Variants in SLC7A11 observed in about 807,000 individuals in gnomAD.
The protein encoded by SLC7A11 is solute carrier family 7 member 11, also known as cystine/glutamate transporter.
Under a neutral mutation model 54.5 loss-of-function variants are expected in SLC7A11, and 35 were observed. That is an observed-to-expected ratio of 0.64 (90% CI 0.49 to 0.85). The LOEUF (loss-of-function observed/expected upper bound fraction) is 0.85. Ranked by LOEUF, SLC7A11 falls within the 40% of genes least tolerant of loss-of-function variation. The pLI, the probability that SLC7A11 is intolerant of heterozygous loss-of-function variation, is 0.00. For missense variants in SLC7A11, 583 were observed against 618.1 expected, an observed-to-expected ratio of 0.94 and a Z score of 0.60; for synonymous variants, 230 against 225.2, an observed-to-expected ratio of 1.02 and a Z score of -0.19.
chr4:138,212,993 A>G (rs985722238), intron 6 of SLC7A11, among the ~76,000 whole-genome samples: 5 of 151,972 alleles, frequency 3.3e-5, no homozygotes, highest in Non-Finnish European at 4.4e-5. Context: ...AATTCAATAC[A>G]TATTTTATAT....
In SLC7A11 at chr4:138,168,417, A is replaced by G. The variant is rs1321297339; in HGVS notation, c.*3539T>C. 6.6e-6 allele frequency: 1 copy of G among 152,188 alleles called. No homozygotes were observed. The highest frequency in any genetic ancestry group is 1.5e-5 in the Non-Finnish European group (1 of 68,038). The allele number at this position is 152,188 out of a possible 1,614,324, so 9.4% of individuals were successfully genotyped here. ...TCTTTTCATACCTTATACCTCAATT[A>G]CAAAAGATCAACTTTAACAAAGGTC... On this transcript the variant is annotated 3_prime_UTR_variant, in exon 12 of 12. Transcript: ENST00000280612.
At chr4:138,199,189 C>CATAT (rs1737210999) in intron 6 of SLC7A11, among the ~76,000 whole-genome samples, 1 of 152,142 alleles carries the variant, frequency 6.6e-6, no homozygotes, top group South Asian at 2.1e-4. Flanking sequence ...TATGCACACG[C>CATAT]ACGCACAAAC....
chr4:138,232,489 A>C (rs559731720), intron 2 of SLC7A11, 107 bp from the exon 3 acceptor site: 1 of 655,148 alleles, frequency 1.5e-6, no homozygotes, highest in East Asian at 2.7e-5. Context: ...GTTAAATATG[A>C]AAGTCCATAG....
intron 6 of SLC7A11, among the ~76,000 whole-genome samples, chr4:138,209,624 C>T (rs1010758479): frequency 2.6e-5 from 4 of 151,932 alleles, no homozygotes; most frequent in Non-Finnish European, 5.9e-5. Context: ...ATCAAGAATG[C>T]AATCCCATTT....
intron 6 of SLC7A11, among the ~76,000 whole-genome samples, chr4:138,201,328 G>A (rs1737281138): frequency 6.6e-6 from 1 of 151,986 alleles, no homozygotes; most frequent in Admixed American, 6.6e-5. Flanking sequence ...ACGGGTTATT[G>A]TTTAAGCTTT....
At chr4:138,239,719 T>C (rs554957018) in intron 1 of SLC7A11, among the ~76,000 whole-genome samples, 1 of 152,364 alleles carries the variant, frequency 6.6e-6, no homozygotes, top group Admixed American at 6.5e-5. Context: ...GTAATACTTA[T>C]GCATAAGCAT....
At chr4:138,199,176 A>G (rs1737210545) in intron 6 of SLC7A11, among the ~76,000 whole-genome samples, 3 of 152,204 alleles carry the variant, frequency 2.0e-5, no homozygotes, top group South Asian at 2.1e-4. Context: ...AATGCACTAC[A>G]TATATGCACA....
chr4:138,204,588 A>T (rs891830546), intron 6 of SLC7A11, among the ~76,000 whole-genome samples: 1 of 152,030 alleles, frequency 6.6e-6, no homozygotes, highest in Non-Finnish European at 1.5e-5. Context: ...CAGATTTCGT[A>T]AAGGAGTTTC....
intron 6 of SLC7A11, among the ~76,000 whole-genome samples, chr4:138,207,782 C>G (rs1030399747): frequency 3.3e-5 from 5 of 152,082 alleles, no homozygotes; most frequent in Admixed American, 6.6e-5. Context: ...TTCAATTAAC[C>G]TTTATTCTTT....
intron 3 of SLC7A11, among the ~76,000 whole-genome samples, chr4:138,227,843 C>T (rs191010934): frequency 1.3e-4 from 20 of 152,064 alleles, no homozygotes; most frequent in Admixed American, 2.0e-4. Context: ...TGTCATCCTC[C>T]TAAAGTATGT....
intron 6 of SLC7A11, among the ~76,000 whole-genome samples, chr4:138,207,459 C>T (rs767317416): frequency 4.6e-5 from 7 of 152,082 alleles, no homozygotes; most frequent in Non-Finnish European, 1.0e-4. Flanking sequence ...AATCCCAGCA[C>T]TTTGGGAGGC....
intron 3 of SLC7A11, among the ~76,000 whole-genome samples, chr4:138,231,965 AAAAT>A (rs1738090211): frequency 6.6e-6 from 1 of 152,194 alleles, no homozygotes; most frequent in Non-Finnish European, 1.5e-5. Flanking sequence ...AGTAGTCTCT[AAAAT>A]AATTGGGGTT....
At chr4:138,186,151 A>G (rs1183679026) in intron 6 of SLC7A11, among the ~76,000 whole-genome samples, 3 of 152,108 alleles carry the variant, frequency 2.0e-5, no homozygotes, top group African/African-American at 7.2e-5. Context: ...CGTTACCAAT[A>G]CACATTACTT....
chr4:138,186,834 C>A (rs1453853079), intron 6 of SLC7A11, among the ~76,000 whole-genome samples: 1 of 152,060 alleles, frequency 6.6e-6, no homozygotes, highest in African/African-American at 2.4e-5. Context: ...GCTTTTCAAC[C>A]ACTCAGTGTA....
intron 4 of SLC7A11, among the ~76,000 whole-genome samples, chr4:138,219,768 T>G (rs1449990645): frequency 6.6e-6 from 1 of 152,110 alleles, no homozygotes; most frequent in Admixed American, 6.6e-5. Context: ...CGGAGAGGTA[T>G]CCAAGGTTCT....
At chr4:138,227,885 A>C (rs1427786504) in intron 3 of SLC7A11, among the ~76,000 whole-genome samples, 1 of 152,194 alleles carries the variant, frequency 6.6e-6, no homozygotes, top group African/African-American at 2.4e-5. Flanking sequence ...GTATATTTTA[A>C]TACTATGTTT....
rs1489744384 is a variant in SLC7A11 at position 138,165,748 on chromosome 4, A to G, written c.*6208T>C. On this transcript the variant is annotated 3_prime_UTR_variant, in exon 12 of 12. Transcript: ENST00000280612. ...AGTGTTGTTTCCTTTCTGAACATGA[A>G]TAACATCAAAGGAAGAACCCAGTTC... is the stretch of plus-strand genomic sequence containing the variant. The G allele has an allele frequency of 6.6e-6, 1 of 152,184 alleles. No homozygotes were observed. The highest frequency in any genetic ancestry group is 1.5e-5 in the Non-Finnish European group (1 of 68,010). 9.4% of individuals were successfully genotyped at this position (152,184 alleles called of 1,614,324 possible).
chr4:138,191,131 C>T (rs767929240), intron 6 of SLC7A11, among the ~76,000 whole-genome samples: 10 of 152,070 alleles, frequency 6.6e-5, no homozygotes, highest in Non-Finnish European at 1.0e-4. Flanking sequence ...TATTTATGAA[C>T]ATTTTTTAAA....
intron 2 of SLC7A11, among the ~76,000 whole-genome samples, chr4:138,233,744 T>C (rs553404086): frequency 2.6e-5 from 4 of 152,304 alleles, no homozygotes; most frequent in Admixed American, 6.5e-5. Flanking sequence ...ATTTAAAATC[T>C]GATTATGTCA....
Sources: gnomAD v4.1 joint callset for allele counts (sites outside exome capture counted in the v4.1 genomes callset) on GRCh38, gnomAD v4.1.1 for gene constraint, MANE v1.5 for transcripts, NCBI Gene and HGNC (gene_info 2026-07-23, HGNC 2026-07-21) for gene names.